Variants in ARHGAP18 observed in about 807,000 individuals in gnomAD.
The protein encoded by ARHGAP18 is Rho GTPase activating protein 18, also known as rho GTPase-activating protein 18.
ARHGAP18 carries 67 observed loss-of-function variants against 86.2 expected under a neutral mutation model. The observed-to-expected ratio is 0.78, with a 90% CI of 0.64 to 0.95. The LOEUF (loss-of-function observed/expected upper bound fraction) is 0.95. Ranked by LOEUF, ARHGAP18 falls within the 40% of genes least tolerant of loss-of-function variation. The pLI is 0.00. For synonymous variants in ARHGAP18, 283 were observed against 280.4 expected (o/e 1.01, Z -0.09); for missense variants, 691 against 780.4 (o/e 0.89, Z 1.37).
chr6:129,598,487 G>C (rs1013325893), intron 12 of ARHGAP18, among the ~76,000 whole-genome samples: 6 of 152,150 alleles, frequency 3.9e-5, no homozygotes, highest in African/African-American at 1.4e-4. Flanking sequence ...GGAGGAGGTG[G>C]ATTCACTTAA....
intron 10 of ARHGAP18, among the ~76,000 whole-genome samples, chr6:129,602,393 A>G (rs1562684992): frequency 1.3e-5 from 2 of 152,060 alleles, no homozygotes; most frequent in Non-Finnish European, 2.9e-5. Flanking sequence ...TAAAAGAATC[A>G]TTTTTTCAGA....
At chr6:129,682,541 T>C (rs1017404917) in intron 1 of ARHGAP18, among the ~76,000 whole-genome samples, 1 of 152,212 alleles carries the variant, frequency 6.6e-6, no homozygotes, top group African/African-American at 2.4e-5. Flanking sequence ...AGATGGTTAC[T>C]GAAACACAGA....
intron 1 of ARHGAP18, among the ~76,000 whole-genome samples, chr6:129,643,428 C>G (rs1773510348): frequency 6.6e-6 from 1 of 152,144 alleles, no homozygotes; most frequent in Non-Finnish European, 1.5e-5. Flanking sequence ...TTGTTGCCAT[C>G]ATGTGAATAA....
chr6:129,705,972 T>C (rs1053279169), intron 1 of ARHGAP18, among the ~76,000 whole-genome samples: 1 of 152,152 alleles, frequency 6.6e-6, no homozygotes, highest in South Asian at 2.1e-4. Flanking sequence ...GCCTACCCAA[T>C]ACCAATGGCA....
rs1335269672 is a variant in ARHGAP18 at position 129,702,296 on chromosome 6, C to A, written c.113+7728G>T. Among the ~76,000 whole-genome samples, 3 of 152,144 alleles carry A rather than the reference C, an allele frequency of 2.0e-5. 1 individual carries two copies. The highest frequency in any genetic ancestry group is 4.1e-4 in the South Asian group (2 of 4,824). On this transcript the variant is annotated intron_variant, in intron 1 of 14. Coordinates refer to ENST00000368149, the MANE Select transcript of ARHGAP18 (RefSeq NM_033515.3). ...CAAACATGGAAGTCAAAAGAATGTG[C>A]CTTCAGAAAGATCTAGACATCCCTT...
chr6:129,666,803 C>T (rs1774048956), intron 1 of ARHGAP18, among the ~76,000 whole-genome samples: 1 of 152,232 alleles, frequency 6.6e-6, no homozygotes, highest in Non-Finnish European at 1.5e-5. Context: ...CTAAACATTT[C>T]TGTGTATATC....
intron 1 of ARHGAP18, among the ~76,000 whole-genome samples, chr6:129,691,594 G>A (rs867456439): frequency 6.6e-6 from 1 of 152,092 alleles, no homozygotes. Flanking sequence ...GTGACATTCT[G>A]TATTCGAGCG....
At chr6:129,699,201 C>G (rs1774672214) in intron 1 of ARHGAP18, among the ~76,000 whole-genome samples, 1 of 152,182 alleles carries the variant, frequency 6.6e-6, no homozygotes, top group African/African-American at 2.4e-5. Flanking sequence ...CATCTAAAGT[C>G]ACAAGAATGT....
chr6:129,667,336 A>G (rs1170248347), intron 1 of ARHGAP18, among the ~76,000 whole-genome samples: 1 of 152,076 alleles, frequency 6.6e-6, no homozygotes, highest in Non-Finnish European at 1.5e-5. Context: ...TACAACCCCT[A>G]TTTGGCCCAT....
intron 13 of ARHGAP18, among the ~76,000 whole-genome samples, chr6:129,580,674 C>G (rs1788269456): frequency 6.6e-6 from 1 of 152,050 alleles, no homozygotes; most frequent in African/African-American, 2.4e-5. Context: ...ATCGCTTGAG[C>G]CCAGTCTGGG....
chr6:129,599,362 G>C lies in ARHGAP18; in HGVS notation c.1573-6C>G. The C allele has an allele frequency of 6.6e-7, 1 of 1,520,604 alleles. No homozygotes were observed. The highest frequency in any genetic ancestry group is 1.3e-5 in the South Asian group (1 of 74,402). 94.2% of individuals were successfully genotyped at this position (1,520,604 alleles called of 1,614,324 possible). On this transcript the variant is annotated splice_region_variant and splice_polypyrimidine_tract_variant and intron_variant, in intron 11 of 14. Transcript: ENST00000368149. ...TTTACAATAAACTTGGGAATCTATAGAGAAAAGGAATTAAGCTTAGAGAGG... is the reference window on the plus strand; with the variant it reads ...TTTACAATAAACTTGGGAATCTATACAGAAAAGGAATTAAGCTTAGAGAGG...
At position 129,638,492 on chromosome 6, in the gene ARHGAP18, C is replaced by T; in HGVS notation, c.454G>A (p.Val152Ile). The T allele has an allele frequency of 6.2e-7, 1 of 1,614,108 alleles. No homozygotes were observed. The highest frequency in any genetic ancestry group is 8.5e-7 in the Non-Finnish European group (1 of 1,180,016). ...RTQAAAVQKR[V>I]ETVSQTLRKK... ...CTCAAGGTCTGGGAGACCGTCTCTACTCGCTTCTGAACTGCTGCTGCCTGG... is the reference window on the plus strand; with the variant it reads ...CTCAAGGTCTGGGAGACCGTCTCTATTCGCTTCTGAACTGCTGCTGCCTGG... Residue 152 changes from valine (V) to isoleucine (I), a missense_variant, in exon 3 of 15, where the codon GTA becomes ATA. By Grantham distance (29) the Val-to-Ile change is conservative (BLOSUM62 3). Transcript: ENST00000368149.
At chr6:129,680,979 A>G (rs1006887444) in intron 1 of ARHGAP18, among the ~76,000 whole-genome samples, 8 of 152,202 alleles carry the variant, frequency 5.3e-5, no homozygotes, top group African/African-American at 1.4e-4. Flanking sequence ...ACAGCCCACC[A>G]TAATCCTGAC....
intron 1 of ARHGAP18, among the ~76,000 whole-genome samples, chr6:129,674,482 A>T (rs1259498319): frequency 6.6e-6 from 1 of 152,230 alleles, no homozygotes; most frequent in African/African-American, 2.4e-5. Context: ...CATGAGTTCC[A>T]CATCTGTGGA....
In ARHGAP18 at chr6:129,611,617, A is replaced by G; in HGVS notation, c.1045-7T>C. The G allele has an allele frequency of 6.2e-7, 1 of 1,612,200 alleles. No individual in the cohort carries two copies. The highest frequency in any genetic ancestry group is 1.3e-5 in the African/African-American group (1 of 74,998). On this transcript the variant is annotated splice_polypyrimidine_tract_variant and splice_region_variant and intron_variant, in intron 7 of 14. Coordinates refer to ENST00000368149, the MANE Select transcript of ARHGAP18 (RefSeq NM_033515.3). ...CTTCAATTCGAGAAATCAGCTGTGC[A>G]TAAACAGAGAAACATTCTAATTTCC...
chr6:129,706,841 G>A (rs9375659), intron 1 of ARHGAP18, among the ~76,000 whole-genome samples: 17,458 of 145,096 alleles, frequency 0.12, 1,289 homozygotes, highest in African/African-American at 0.2. Context: ...AGCCCAGATC[G>A]TGCCACGGCA....
intron 13 of ARHGAP18, among the ~76,000 whole-genome samples, chr6:129,580,667 G>A (rs530646883): frequency 3.3e-5 from 5 of 152,076 alleles, no homozygotes; most frequent in Admixed American, 6.6e-5. Context: ...CAGGTAGATC[G>A]CTTGAGCCCA....
At chr6:129,626,528 A>C (rs547608786) in intron 5 of ARHGAP18, among the ~76,000 whole-genome samples, 2 of 152,146 alleles carry the variant, frequency 1.3e-5, no homozygotes, top group East Asian at 3.9e-4. Flanking sequence ...CTAAAAATTG[A>C]AAATAAAATA....
chr6:129,598,210 T>C (rs1282360793), intron 12 of ARHGAP18, among the ~76,000 whole-genome samples: 1 of 152,112 alleles, frequency 6.6e-6, no homozygotes, highest in African/African-American at 2.4e-5. Flanking sequence ...AAGGCCTTTC[T>C]AAAAAAATAA....
Sources: gnomAD v4.1 joint callset for allele counts (sites outside exome capture counted in the v4.1 genomes callset) on GRCh38, gnomAD v4.1.1 for gene constraint, MANE v1.5 for transcripts, NCBI Gene and HGNC (gene_info 2026-07-23, HGNC 2026-07-21) for gene names.